The following FLG variants were observed in gnomAD, a reference collection of about 807,000 sequenced individuals.
FLG encodes the protein filaggrin.
A neutral mutation model predicts 3.8 loss-of-function variants in FLG; 6 were observed. The ratio of observed to expected loss-of-function variants is 1.60; its 90% CI spans 0.87 to 3.15. The LOEUF (loss-of-function observed/expected upper bound fraction) is 3.15, where lower values mean the gene tolerates loss of function less well. Ranked by LOEUF, FLG falls within the 30% of genes most tolerant of loss-of-function variation. The pLI is 0.00. For synonymous variants in FLG, 2,551 were observed against 1,931.6 expected (o/e 1.32, Z -8.41); for missense variants, 7,595 against 5,050.9 (o/e 1.50, Z -15.27).
rs1651790730 is a variant in FLG, at chr1:152,304,314, TC to T, written c.10571del (p.Gly3524AspfsTer191). ...TGCTTGTCCTGGGCCCCGCTGATTG[TC>T]CCTGGCCGGACTGTGAGTGTCTAGA... Reference protein sequence around the residue: ...DSSRHSQSGQGQSAGPRTSRN... With the variant: ...DSSRHSQSGQXQSAGPRTSRN... On this transcript the variant is annotated frameshift_variant, in exon 3 of 3. Transcript: ENST00000368799. LOFTEE classifies it low-confidence loss of function (END_TRUNC). 4 of 1,611,798 alleles carry T rather than the reference TC, an allele frequency of 2.5e-6. No homozygotes were observed. In the East Asian group the frequency reaches 9.0e-5, roughly 36 times the overall value.
chr1:152,313,480 A>C lies in FLG; in HGVS notation c.1406T>G (p.Leu469Arg), dbSNP rs745556102. The change falls in exon 3 of 3, where the codon CTC becomes CGC. Residue 469 changes from leucine (L) to arginine (R), a missense_variant. Leu to Arg is a moderately radical substitution (Grantham distance 102, BLOSUM62 -2). Transcript: ENST00000368799. ...CTGTTCATGAGTGCTCACCTGGTAGAGGGAAGACCCTGAACGTCCAGACCG... is the reference window on the plus strand; with the variant it reads ...CTGTTCATGAGTGCTCACCTGGTAGCGGGAAGACCCTGAACGTCCAGACCG... ...GERSGRSGSS[L>R]YQVSTHEQPD... The C allele has an allele frequency of 1.2e-6, 2 of 1,613,556 alleles. No individual in the cohort carries two copies. Among genetic ancestry groups the C allele is most frequent in the East Asian group, 4.5e-5 (2 of 44,784 alleles).
rs369653735 is a variant in FLG, at chr1:152,312,038, T to C, written c.2848A>G (p.Ser950Gly). ...RRQGSSVSQDSDSEGHSEDSE... is the reference protein window; with the variant it reads ...RRQGSSVSQDGDSEGHSEDSE... ...TCTTCTGAATGTCCCTCACTGTCACTGTCCTGGCTAACACTGGATCCCTGG... is the reference window on the plus strand; with the variant it reads ...TCTTCTGAATGTCCCTCACTGTCACCGTCCTGGCTAACACTGGATCCCTGG... The change falls in exon 3 of 3, where the codon AGT becomes GGT. Residue 950 changes from serine (S) to glycine (G), a missense_variant. Physicochemically the swap from Ser to Gly is moderately conservative, Grantham distance 56. Coordinates refer to ENST00000368799, the MANE Select transcript of FLG (RefSeq NM_002016.2). The C allele has an allele frequency of 1.1e-4, 170 of 1,614,048 alleles. 1 individual carries two copies. The highest frequency in any genetic ancestry group is 1.3e-4 in the Non-Finnish European group (159 of 1,180,036).
In FLG at chr1:152,310,476, A is replaced by G. The variant is rs12732920; in HGVS notation, c.4410T>C (p.His1470=). 0.024 allele frequency: 38,756 copies of G among 1,613,420 alleles called. 702 individuals are homozygous for G. The highest frequency in any genetic ancestry group is 0.056 in the South Asian group (5,061 of 91,028). Residue 1470 remains histidine (H), a synonymous_variant, in exon 3 of 3, where the codon CAT becomes CAC. Transcript: ENST00000368799. The part of the protein sequence containing the change: ...PSTGGRQGSR[H]EQARNSSRHS... ...GCCTAGAGCTGTTTCGTGCCTGCTC[A>G]TGGCGGGATCCTTGTCTTCCTCCAG...
rs199547207 is a variant in FLG, at chr1:152,308,704, G to A, written c.6182C>T (p.Ala2061Val). ...CTGATGGGGCCCAGCTTTTCCCTGT[G>A]CTGACACTGACTGTGTGTCTGAGTC... ...SEDSDTQSVS[A>V]QGKAGPHQQS... The change falls in exon 3 of 3, where the codon GCA becomes GTA. Residue 2061 changes from alanine to valine, a missense_variant. Ala to Val is a moderately conservative substitution (Grantham distance 64). Transcript: ENST00000368799. 16 of 1,614,006 alleles carry A rather than the reference G, an allele frequency of 9.9e-6. No individual in the cohort carries two copies. Among genetic ancestry groups the A allele is most frequent in the Admixed American group, 6.7e-5 (4 of 60,008 alleles).
In FLG at chr1:152,309,113, G is replaced by C. The variant is rs142332759; in HGVS notation, c.5773C>G (p.Gln1925Glu). Residue 1925 changes from glutamine (Q) to glutamate (E), a missense_variant, in exon 3 of 3, where the codon CAG becomes GAG. Coordinates refer to ENST00000368799, the MANE Select transcript of FLG (RefSeq NM_002016.2). ...GSSVSQDSDS[Q>E]GHSEDSERWS... is the part of the protein sequence containing the mutation. ...CTCTCAGAGTCTTCTGAGTGTCCCT[G>C]ACTGTCACTGTCCTGGCTAACACTG... 1,077 of 1,613,476 alleles carry C rather than the reference G, an allele frequency of 6.7e-4. No homozygotes were observed. The highest frequency in any genetic ancestry group is 1.4e-4 in the Non-Finnish European group (161 of 1,179,658).
chr1:152,321,955 A>G (rs1308028389), intron 1 of FLG, among the ~76,000 whole-genome samples: 1 of 151,220 alleles, frequency 6.6e-6, no homozygotes, highest in Non-Finnish European at 1.5e-5. Context: ...TGTTATTCCT[A>G]ACTACATTTT....
chr1:152,313,292 G>A lies in FLG; in HGVS notation c.1594C>T (p.His532Tyr), dbSNP rs758635510. The change falls in exon 3 of 3, where the codon CAC (histidine) becomes TAC (tyrosine). Residue 532 changes from histidine to tyrosine, a missense_variant. Coordinates refer to ENST00000368799, the MANE Select transcript of FLG (RefSeq NM_002016.2). ...SSRGGRQGSH[H>Y]EQSVNRSGHS... ...CCAGACCTATTTACCGATTGCTCGT[G>A]GTGGGATCCCTGCCTTCCTCCTCTG... 10 of 1,613,650 alleles carry A rather than the reference G, an allele frequency of 6.2e-6. No homozygotes were observed. In the Admixed American group the frequency reaches 8.3e-5, roughly 13 times the overall value.
Position 152,304,544 on chromosome 1 carries a change from A to T in FLG, c.10342T>A (p.Ser3448Thr). The change falls in exon 3 of 3, where the codon TCC (serine) becomes ACC (threonine). Residue 3448 changes from serine (S) to threonine (T), a missense_variant. Ser to Thr is a moderately conservative substitution (Grantham distance 58). Transcript: ENST00000368799. ...CTATCTACCGATTGCTCGTAGTGGG[A>T]TCCCTGCCTTCCTCTTCTGCTTGAC... ...PGSSRRGRQG[S>T]HYEQSVDRSG... 1 of 1,609,016 alleles carries T rather than the reference A, an allele frequency of 6.2e-7. No homozygotes were observed. The highest frequency in any genetic ancestry group is 1.1e-5 in the South Asian group (1 of 90,478).
Position 152,310,968 on chromosome 1 carries a change from G to A in FLG, c.3918C>T (p.Ser1306=). 6.2e-7 allele frequency: 1 copy of A among 1,613,988 alleles called. No individual in the cohort carries two copies. The highest frequency in any genetic ancestry group is 8.5e-7 in the Non-Finnish European group (1 of 1,180,002). The change falls in exon 3 of 3, where the codon TCC becomes TCT. Residue 1306 remains serine (S), a synonymous_variant. Transcript: ENST00000368799. ...GSSREQSRDG[S]RHPGFHQEDR... ...CTTCTTGATGGAACCCAGGGTGTCT[G>A]GAGCCATCTCTTGACTGCTCCCGAG...
rs370983563 is a variant in FLG at position 152,311,256 on chromosome 1, C to A, written c.3630G>T (p.Gln1210His). ...GTCTGCTTGCACTTCTGGATCCTGA[C>A]TGCCCATGGGAGGCATCAGACCTTC... Reference protein sequence around the residue: ...SQGRSDASHGQSGSRSASRQT... With the variant: ...SQGRSDASHGHSGSRSASRQT... The change falls in exon 3 of 3, where the codon CAG (glutamine) becomes CAT (histidine). Residue 1210 changes from glutamine (Q) to histidine (H), a missense_variant. Physicochemically the swap from Gln to His is conservative, Grantham distance 24 (BLOSUM62 0). Coordinates refer to ENST00000368799, the MANE Select transcript of FLG (RefSeq NM_002016.2). 3.1e-6 allele frequency: 5 copies of A among 1,613,814 alleles called. No individual in the cohort carries two copies. The highest frequency in any genetic ancestry group is 4.2e-6 in the Non-Finnish European group (5 of 1,179,990).
chr1:152,304,876 C>T lies in FLG; in HGVS notation c.10010G>A (p.Gly3337Asp), dbSNP rs1395763934. Reference sequence around the variant, plus strand: ...TCCCTCACTATCACTGGCCTGACTACCACTGGACCCCCAGTGTCTACTGTC... The same window carrying T: ...TCCCTCACTATCACTGGCCTGACTATCACTGGACCCCCAGTGTCTACTGTC... ...VRDSRHWGSSGSQASDSEGHS... is the reference protein window; with the variant it reads ...VRDSRHWGSSDSQASDSEGHS... Residue 3337 changes from glycine (G) to aspartate (D), a missense_variant, in exon 3 of 3, where the codon GGT becomes GAT. Physicochemically the swap from Gly to Asp is moderately conservative, Grantham distance 94 (BLOSUM62 -1). Transcript: ENST00000368799. 1.9e-6 allele frequency: 3 copies of T among 1,613,752 alleles called. No individual in the cohort carries two copies. Among genetic ancestry groups the T allele is most frequent in the East Asian group, 2.2e-5 (1 of 44,792 alleles).
At position 152,315,376 on chromosome 1, in the gene FLG, T is replaced by A. The variant is rs371750406; in HGVS notation, c.81A>T (p.Thr27=). 78 of 1,612,994 alleles carry A rather than the reference T, an allele frequency of 4.8e-5. No homozygotes were observed. Among genetic ancestry groups the A allele is most frequent in the Non-Finnish European group, 4.6e-5 (54 of 1,179,440 alleles). Residue 27 remains threonine, a synonymous_variant, in exon 2 of 3, where the codon ACA becomes ACT. Transcript: ENST00000368799. The part of the protein sequence containing the change: ...QYSKKDKNTD[T]LSKKELKELL... ...GTTCCTTCAGCTCTTTTTTACTCAA[T>A]GTGTCAGTGTTTTTATCTTTTTTTG...
rs200952626 is a variant in FLG, at chr1:152,307,766, G to A, written c.7120C>T (p.His2374Tyr). The change falls in exon 3 of 3, where the codon CAT becomes TAT. Residue 2374 changes from histidine to tyrosine, a missense_variant. By Grantham distance (83) the His-to-Tyr change is moderately conservative. Transcript: ENST00000368799. ...GACTGTGTGTCTGAGTCTTCTGAAT[G>A]TCCCTCACTGTCACTGGCCTGACTA... The part of the protein sequence containing the change: ...SGSQASDSEG[H>Y]SEDSDTQSVS... 5.0e-6 allele frequency: 8 copies of A among 1,613,330 alleles called. No individual in the cohort carries two copies. The highest frequency in any genetic ancestry group is 6.8e-6 in the Non-Finnish European group (8 of 1,179,756).
Position 152,308,386 on chromosome 1 carries a change from T to C in FLG, c.6500A>G (p.His2167Arg), listed in dbSNP as rs556163508. ...SVDRSGHSGS[H>R]HSHTTSQGRS... ...TCCCTGGGATGTGGTGTGGCTGTGA[T>C]GAGACCCTGAGTGTCCAGACCTATC... Residue 2167 changes from histidine (H) to arginine (R), a missense_variant, in exon 3 of 3, where the codon CAT (histidine) becomes CGT (arginine). Physicochemically the swap from His to Arg is conservative, Grantham distance 29 (BLOSUM62 0). Coordinates refer to ENST00000368799, the MANE Select transcript of FLG (RefSeq NM_002016.2). 6.8e-6 allele frequency: 11 copies of C among 1,613,584 alleles called. No individual in the cohort carries two copies. The highest frequency in any genetic ancestry group is 7.6e-6 in the Non-Finnish European group (9 of 1,179,710).
rs761796016 is a variant in FLG at position 152,304,235 on chromosome 1, C to T, written c.10651G>A (p.Asp3551Asn). The T allele has an allele frequency of 1.2e-6, 2 of 1,613,214 alleles. No individual in the cohort carries two copies. The highest frequency in any genetic ancestry group is 8.5e-7 in the Non-Finnish European group (1 of 1,179,762). ...QDSDSQGHSE[D>N]SERWSGSASR... Reference sequence around the variant, plus strand: ...GCAGACCCAGACCACCTCTCAGAGTCTTCTGAGTGTCCCTGACTGTCACTG... The same window carrying T: ...GCAGACCCAGACCACCTCTCAGAGTTTTCTGAGTGTCCCTGACTGTCACTG... The change falls in exon 3 of 3, where the codon GAC becomes AAC. Residue 3551 changes from aspartate (D) to asparagine (N), a missense_variant. Physicochemically the swap from Asp to Asn is conservative, Grantham distance 23. Transcript: ENST00000368799.
chr1:152,314,028 C>G lies in FLG; in HGVS notation c.858G>C (p.Glu286Asp). The G allele has an allele frequency of 6.2e-7, 1 of 1,614,214 alleles. No individual in the cohort carries two copies. The highest frequency in any genetic ancestry group is 8.5e-7 in the Non-Finnish European group (1 of 1,180,040). The change falls in exon 3 of 3, where the codon GAG (glutamate) becomes GAC (aspartate). Residue 286 changes from glutamate to aspartate, a missense_variant. Physicochemically the swap from Glu to Asp is conservative, Grantham distance 45. Transcript: ENST00000368799. ...ATCCCCTACGCTTTCTTGTCCTGGA[C>G]TCCTGCAATGGTACCTGGCTTGTAT... ...HENTSQVPLQ[E>D]SRTRKRRGSR...
chr1:152,324,371 C>T (rs374974682), intron 1 of FLG, among the ~76,000 whole-genome samples: 31 of 151,992 alleles, frequency 2.0e-4, no homozygotes, highest in African/African-American at 7.2e-4. Flanking sequence ...CCATATACCA[C>T]TGGTCCTCTT....
chr1:152,302,741 G>A lies in FLG; in HGVS notation c.12145C>T (p.Leu4049=), dbSNP rs746954478. The change falls in exon 3 of 3, where the codon CTG becomes TTG. Residue 4049 remains leucine, a synonymous_variant. Transcript: ENST00000368799. ...CGHSSDISKQ[L]GFSQSQRYYY... ...TATCTCTGTGACTGACTAAATCCCAGTTGTTTCGATATATCACTAGAATGG... is the reference window on the plus strand; with the variant it reads ...TATCTCTGTGACTGACTAAATCCCAATTGTTTCGATATATCACTAGAATGG... 6.2e-7 allele frequency: 1 copy of A among 1,614,010 alleles called. No individual in the cohort carries two copies. The highest frequency in any genetic ancestry group is 8.5e-7 in the Non-Finnish European group (1 of 1,179,940).
rs945727472 is a variant in FLG, at chr1:152,314,443, C to G, written c.443G>C (p.Gly148Ala). ...AGAACTAGATTCATGCCTTTTCCCC[C>G]CTGTTTCTCTTGGGCTCTTGGATCT... is the stretch of plus-strand genomic sequence containing the variant. Reference protein sequence around the residue: ...KGRSKSPRETGGKRHESSSEK... With the variant: ...KGRSKSPRETAGKRHESSSEK... The change falls in exon 3 of 3, where the codon GGG (glycine) becomes GCG (alanine). Residue 148 changes from glycine to alanine, a missense_variant. Coordinates refer to ENST00000368799, the MANE Select transcript of FLG (RefSeq NM_002016.2). The G allele has an allele frequency of 6.2e-7, 1 of 1,613,566 alleles. No homozygotes were observed. The highest frequency in any genetic ancestry group is 8.5e-7 in the Non-Finnish European group (1 of 1,179,864).
Sources: allele counts gnomAD v4.1 joint callset (sites outside exome capture counted in the v4.1 genomes callset), GRCh38; gene constraint gnomAD v4.1.1; transcripts MANE v1.5; gene names NCBI Gene and HGNC (gene_info 2026-07-23, HGNC 2026-07-21).